Variants in HCN1 observed in about 807,000 individuals in gnomAD.
The protein encoded by HCN1 is hyperpolarization activated cyclic nucleotide gated potassium channel 1.
Under a neutral mutation model 78.9 loss-of-function variants are expected in HCN1, and 13 were observed. That is an observed-to-expected ratio of 0.16 (90% CI 0.11 to 0.26). The LOEUF is 0.26. Among genes scored for constraint, HCN1 ranks in the 10% least tolerant of loss-of-function variants. The probability of loss-of-function intolerance (pLI) is 1.00; values close to 1 mark genes in which losing one functional copy is unlikely to be tolerated. For synonymous variants in HCN1, 552 were observed against 455.5 expected, an observed-to-expected ratio of 1.21 and a Z score of -2.70; for missense variants, 810 against 1,154.3, an observed-to-expected ratio of 0.70 and a Z score of 4.32.
intron 2 of HCN1, among the ~76,000 whole-genome samples, chr5:45,607,503 C>T (rs1158000049): frequency 6.6e-6 from 1 of 150,566 alleles, no homozygotes; most frequent in Non-Finnish European, 1.5e-5. Context: ...TAGAAATTTC[C>T]TTATTTAATT....
intron 3 of HCN1, among the ~76,000 whole-genome samples, chr5:45,453,425 C>T (rs901924198): frequency 1.7e-4 from 26 of 152,110 alleles, no homozygotes; most frequent in African/African-American, 5.5e-4. Flanking sequence ...TTTGAATTTA[C>T]GACAGTAGTA....
chr5:45,434,807 T>C (rs1023721309), intron 3 of HCN1, among the ~76,000 whole-genome samples: 1 of 152,152 alleles, frequency 6.6e-6, no homozygotes, highest in Non-Finnish European at 1.5e-5. Context: ...ATTGGGTCTT[T>C]TAAAACTTTT....
rs891811181 is a variant in HCN1, at chr5:45,257,983, A to G, written c.*3938T>C. 3.5e-5 allele frequency: 5 copies of G among 144,412 alleles called. No individual in the cohort carries two copies. The highest frequency in any genetic ancestry group is 7.4e-5 in the Non-Finnish European group (5 of 67,362). 8.9% of individuals were successfully genotyped at this position (144,412 alleles called of 1,614,324 possible). On this transcript the variant is annotated 3_prime_UTR_variant, in exon 8 of 8. Coordinates refer to ENST00000303230, the MANE Select transcript of HCN1 (RefSeq NM_021072.4). ...ACTTTTTAAAGTAGGTGAACATAAA[A>G]TAAAAGTTTGCTAGTTGTAGTGCAT... is the stretch of plus-strand genomic sequence containing the variant.
At chr5:45,421,375 T>C (rs556675340) in intron 3 of HCN1, among the ~76,000 whole-genome samples, 1 of 152,292 alleles carries the variant, frequency 6.6e-6, no homozygotes, top group African/African-American at 2.4e-5. Flanking sequence ...AGCATGGTTT[T>C]TAACAACAAA....
In HCN1 at chr5:45,260,695, C is replaced by G. The variant is rs889582549; in HGVS notation, c.*1226G>C. On this transcript the variant is annotated 3_prime_UTR_variant, in exon 8 of 8. Coordinates refer to ENST00000303230, the MANE Select transcript of HCN1 (RefSeq NM_021072.4). Reference sequence around the variant, plus strand: ...AGACAACACTTAACTCCAAATCAAGCTGTGGTTTACAAATAATTATTTAAA... The same window carrying G: ...AGACAACACTTAACTCCAAATCAAGGTGTGGTTTACAAATAATTATTTAAA... 6.6e-6 allele frequency: 1 copy of G among 152,512 alleles called. No homozygotes were observed. The highest frequency in any genetic ancestry group is 2.4e-5 in the African/African-American group (1 of 41,424). The allele number at this position is 152,512 out of a possible 1,614,324, so 9.4% of individuals were successfully genotyped here. A position where few individuals can be genotyped will look rare whatever the true frequency, so the allele number is the denominator to read the frequency against.
intron 4 of HCN1, among the ~76,000 whole-genome samples, chr5:45,391,179 C>A (rs954644799): frequency 6.6e-6 from 1 of 152,056 alleles, no homozygotes. Flanking sequence ...TGAAGGAAAC[C>A]AAGTGAAATG....
At chr5:45,305,387 G>A (rs1283084533) in intron 5 of HCN1, among the ~76,000 whole-genome samples, 1 of 152,270 alleles carries the variant, frequency 6.6e-6, no homozygotes, top group South Asian at 2.1e-4. Context: ...AACAATGTCT[G>A]TAATAGTGGA....
At chr5:45,522,331 C>T (rs955526845) in intron 2 of HCN1, among the ~76,000 whole-genome samples, 3 of 151,880 alleles carry the variant, frequency 2.0e-5, no homozygotes, top group African/African-American at 7.3e-5. Flanking sequence ...ATCATTAAAA[C>T]CTTTGTTCAA....
chr5:45,347,047 C>A (rs1746735215), intron 5 of HCN1, among the ~76,000 whole-genome samples: 1 of 152,222 alleles, frequency 6.6e-6, no homozygotes, highest in Non-Finnish European at 1.5e-5. Context: ...GATCTGAGAA[C>A]AGGCAGACTG....
At chr5:45,677,161 C>A (rs1179111735) in intron 1 of HCN1, among the ~76,000 whole-genome samples, 1 of 151,870 alleles carries the variant, frequency 6.6e-6, no homozygotes, top group South Asian at 2.1e-4. Flanking sequence ...CTAGCTCTAC[C>A]CTGCCACATA....
At chr5:45,565,433 A>C (rs1743687521) in intron 2 of HCN1, among the ~76,000 whole-genome samples, 1 of 152,202 alleles carries the variant, frequency 6.6e-6, no homozygotes, top group Admixed American at 6.6e-5. Context: ...ACCATTAAAC[A>C]ATATTTTAAT....
chr5:45,608,352 G>GGTGT (rs1239049493), intron 2 of HCN1, among the ~76,000 whole-genome samples: 157 of 111,268 alleles, frequency 1.4e-3, no homozygotes, highest in African/African-American at 4.9e-3. Context: ...GGGTAGGATG[G>GGTGT]GTGTATGTGT....
At chr5:45,687,390 T>C (rs190300980) in intron 1 of HCN1, among the ~76,000 whole-genome samples, 2 of 152,294 alleles carry the variant, frequency 1.3e-5, no homozygotes, top group Admixed American at 1.3e-4. Context: ...TATGGTAGAT[T>C]TTGACCTTAT....
At chr5:45,347,858 G>T (rs1229288793) in intron 5 of HCN1, among the ~76,000 whole-genome samples, 1 of 152,146 alleles carries the variant, frequency 6.6e-6, no homozygotes, top group Non-Finnish European at 1.5e-5. Flanking sequence ...AGAAATATGG[G>T]ATTATATGAA....
intron 7 of HCN1, among the ~76,000 whole-genome samples, chr5:45,266,704 ATT>A (rs113257713): frequency 1.4e-4 from 19 of 136,600 alleles, no homozygotes; most frequent in Admixed American, 3.7e-4. Context: ...GGCATGTGGG[ATT>A]TTTTTTTTTT....
Position 45,568,599 on chromosome 5 carries a change from G to A in HCN1, c.849+76586C>T, listed in dbSNP as rs1023400522. On this transcript the variant is annotated intron_variant, in intron 2 of 7. Coordinates refer to ENST00000303230, the MANE Select transcript of HCN1 (RefSeq NM_021072.4). Reference sequence around the variant, plus strand: ...AGAATTTCATTAAATGTTAATGACTGTTATTATTATTAGTTTTAAAAATCA... The same window carrying A: ...AGAATTTCATTAAATGTTAATGACTATTATTATTATTAGTTTTAAAAATCA... Among the ~76,000 whole-genome samples, 3 of 151,390 alleles carry A rather than the reference G, an allele frequency of 2.0e-5. No homozygotes were observed. The East Asian group carries it at 5.8e-4, about 29-fold the overall frequency.
intron 2 of HCN1, among the ~76,000 whole-genome samples, chr5:45,490,571 C>G (rs1297595691): frequency 6.6e-6 from 1 of 152,102 alleles, no homozygotes; most frequent in Non-Finnish European, 1.5e-5. Flanking sequence ...CCCATTAACT[C>G]TCCTCCAGTT....
chr5:45,452,418 T>A (rs1740939258), intron 3 of HCN1, among the ~76,000 whole-genome samples: 1 of 151,722 alleles, frequency 6.6e-6, no homozygotes, highest in Non-Finnish European at 1.5e-5. Context: ...AGAGATTTTT[T>A]TTTTGTCACG....
intron 3 of HCN1, among the ~76,000 whole-genome samples, chr5:45,402,755 C>T (rs531097492): frequency 1.3e-4 from 19 of 151,510 alleles, no homozygotes; most frequent in African/African-American, 4.1e-4. Context: ...CTCTCTCTCT[C>T]CCCCTTCCTC....
Sources: gnomAD v4.1 joint callset for allele counts (sites outside exome capture counted in the v4.1 genomes callset) on GRCh38, gnomAD v4.1.1 for gene constraint, MANE v1.5 for transcripts, NCBI Gene and HGNC (gene_info 2026-07-23, HGNC 2026-07-21) for gene names.